The following ZC3HAV1 variants were observed in gnomAD, a reference collection of about 807,000 sequenced individuals.
ZC3HAV1 encodes zinc finger CCCH-type antiviral protein 1.
In ZC3HAV1, 41 loss-of-function variants were observed where a neutral mutation model predicts 86.6. The observed-to-expected ratio is 0.47, with a 90% CI of 0.37 to 0.61. ZC3HAV1 has a LOEUF of 0.61. Among genes scored for constraint, ZC3HAV1 ranks in the 20% least tolerant of loss-of-function variants. ZC3HAV1 has a pLI of 0.00. For missense variants in ZC3HAV1, 964 were observed against 1,141.1 expected (o/e 0.84, Z 2.24); for synonymous variants, 421 against 432.1 (o/e 0.97, Z 0.32).
At chr7:139,065,332 G>A (rs928209219) in intron 7 of ZC3HAV1, among the ~76,000 whole-genome samples, 6 of 152,252 alleles carry the variant, frequency 3.9e-5, no homozygotes, top group Admixed American at 6.5e-5. Context: ...CTGATGCCAC[G>A]CCGGCATCTG....
intron 7 of ZC3HAV1, among the ~76,000 whole-genome samples, chr7:139,066,603 G>A (rs536528359): frequency 2.0e-5 from 3 of 152,230 alleles, no homozygotes; most frequent in African/African-American, 7.2e-5. Flanking sequence ...CAGCTTTGTG[G>A]ATAGTATCTA....
At chr7:139,067,131 ATTTCTTTC>A (rs373193144) in intron 7 of ZC3HAV1, among the ~76,000 whole-genome samples, 3 of 151,306 alleles carry the variant, frequency 2.0e-5, no homozygotes, top group Non-Finnish European at 4.4e-5. Context: ...GGGAGGCAAA[ATTTCTTTC>A]TTTCTTTCTT....
At chr7:139,079,151 A>G in intron 4 of ZC3HAV1, 2 of 1,536,176 alleles carry the variant, frequency 1.3e-6, no homozygotes, top group Non-Finnish European at 1.7e-6. Context: ...GGCAGAGGAA[A>G]CAGGAACCTG....
intron 2 of ZC3HAV1, among the ~76,000 whole-genome samples, chr7:139,084,343 G>A (rs1051014885): frequency 6.6e-6 from 1 of 152,202 alleles, no homozygotes; most frequent in East Asian, 1.9e-4. Flanking sequence ...CCCAGCACAG[G>A]AAGGCTCATC....
chr7:139,095,789 C>A lies in ZC3HAV1; in HGVS notation c.309-6030G>T, dbSNP rs2079099866. On this transcript the variant is annotated intron_variant, in intron 1 of 12. Transcript: ENST00000242351. ...AGTTCATGGTTCACAAGCTTGTTGC[C>A]CATTAAAAACCATCTAGGGACTTAA... Among the ~76,000 whole-genome samples, 6 of 152,086 alleles carry A rather than the reference C, an allele frequency of 3.9e-5. No individual in the cohort carries two copies. The South Asian group carries it at 1.2e-3, about 32-fold the overall frequency.
intron 1 of ZC3HAV1, among the ~76,000 whole-genome samples, chr7:139,094,206 GAATCAGTA>G (rs543018159): frequency 1.1e-3 from 164 of 152,124 alleles, no homozygotes; most frequent in African/African-American, 3.7e-3. Flanking sequence ...TGGAGTGTCT[GAATCAGTA>G]AATCTAGGGT....
Position 139,079,943 on chromosome 7 carries a change from T to C in ZC3HAV1, c.998A>G (p.Asn333Ser), listed in dbSNP as rs746355497. ...ATGCAAGAGGTCCTCTTGACTGCCGTTCTCTAAAAACCTCTGGCTTGTCCC... is the reference window on the plus strand; with the variant it reads ...ATGCAAGAGGTCCTCTTGACTGCCGCTCTCTAAAAACCTCTGGCTTGTCCC... Reference protein sequence around the residue: ...QAGTSQRFLENGSQEDLLHGN... With the variant: ...QAGTSQRFLESGSQEDLLHGN... The change falls in exon 4 of 13, where the codon AAC becomes AGC. Residue 333 changes from asparagine (N) to serine (S), a missense_variant. By Grantham distance (46) the Asn-to-Ser change is conservative. Coordinates refer to ENST00000242351, the MANE Select transcript of ZC3HAV1 (RefSeq NM_020119.4). The C allele has an allele frequency of 6.2e-7, 1 of 1,614,194 alleles. No homozygotes were observed. The highest frequency in any genetic ancestry group is 1.7e-5 in the Admixed American group (1 of 60,026).
chr7:139,069,553 T>C (rs1816708235), intron 7 of ZC3HAV1, among the ~76,000 whole-genome samples: 1 of 152,126 alleles, frequency 6.6e-6, no homozygotes, highest in Non-Finnish European at 1.5e-5. Flanking sequence ...TCCCAGGCTC[T>C]ACCCTCCTGT....
In ZC3HAV1 at chr7:139,046,317, C is replaced by A. The variant is rs1815954285; in HGVS notation, c.*1277G>T. On this transcript the variant is annotated 3_prime_UTR_variant, in exon 13 of 13. Coordinates refer to ENST00000242351, the MANE Select transcript of ZC3HAV1 (RefSeq NM_020119.4). The stretch of plus-strand genomic sequence containing the variant: ...AATTTCATCTCCGTAGGGGGCCCGT[C>A]CTTCAGTAGGAATGGCCCTGCTCCT... The A allele has an allele frequency of 6.6e-6, 1 of 152,172 alleles. No individual in the cohort carries two copies. Among genetic ancestry groups the A allele is most frequent in the Admixed American group, 6.6e-5 (1 of 15,266 alleles). The allele number at this position is 152,172 out of a possible 1,614,324, so 9.4% of individuals were successfully genotyped here.
Position 139,061,948 on chromosome 7 carries a change from A to G in ZC3HAV1, c.1994-810T>C, listed in dbSNP as rs574274285. On this transcript the variant is annotated intron_variant, in intron 8 of 12. Transcript: ENST00000242351. ...GGTTGAGTCTAAAAAACATTATTCC[A>G]GAGTGAAAGAAGTCAGCCACATGCA... 2.1e-4 allele frequency among the ~76,000 whole-genome samples: 32 copies of G among 152,336 alleles called. No individual in the cohort carries two copies. The Middle Eastern group carries it at 0.02, about 97-fold the overall frequency.
intron 7 of ZC3HAV1, among the ~76,000 whole-genome samples, chr7:139,073,018 G>A (rs760066715): frequency 2.6e-5 from 4 of 152,146 alleles, no homozygotes; most frequent in African/African-American, 7.2e-5. Flanking sequence ...ATATATGGCC[G>A]GGCGCAGTGG....
chr7:139,085,806 A>G (rs563376120), intron 2 of ZC3HAV1, among the ~76,000 whole-genome samples: 1 of 152,242 alleles, frequency 6.6e-6, no homozygotes, highest in South Asian at 2.1e-4. Context: ...TGAGGTCAGG[A>G]GTTTGAGACC....
At chr7:139,094,653 C>G (rs559579466) in intron 1 of ZC3HAV1, among the ~76,000 whole-genome samples, 20 of 152,320 alleles carry the variant, frequency 1.3e-4, no homozygotes, top group African/African-American at 4.6e-4. Flanking sequence ...AATAAGCGCT[C>G]TCTCTCACCA....
chr7:139,046,406 A>C lies in ZC3HAV1; in HGVS notation c.*1188T>G, dbSNP rs1172413147. ...GCGTTTATCAGTTATGCTTGTGTGAAGCTGGTTATTGCAATTCATTGTTCT... is the reference window on the plus strand; with the variant it reads ...GCGTTTATCAGTTATGCTTGTGTGACGCTGGTTATTGCAATTCATTGTTCT... On this transcript the variant is annotated 3_prime_UTR_variant, in exon 13 of 13. Transcript: ENST00000242351. The C allele has an allele frequency of 6.6e-6, 1 of 152,212 alleles. No homozygotes were observed. The highest frequency in any genetic ancestry group is 2.4e-5 in the African/African-American group (1 of 41,448). The allele number at this position is 152,212 out of a possible 1,614,324, so 9.4% of individuals were successfully genotyped here. A position where few individuals can be genotyped will look rare whatever the true frequency, so the allele number is the denominator to read the frequency against.
At chr7:139,086,093 A>T (rs1285291256) in intron 2 of ZC3HAV1, among the ~76,000 whole-genome samples, 3 of 152,068 alleles carry the variant, frequency 2.0e-5, no homozygotes, top group Non-Finnish European at 4.4e-5. Context: ...TTAGAGAGCC[A>T]TCCTGGACCA....
At chr7:139,093,912 C>T (rs959139991) in intron 1 of ZC3HAV1, among the ~76,000 whole-genome samples, 4 of 151,780 alleles carry the variant, frequency 2.6e-5, no homozygotes, top group South Asian at 2.1e-4. Flanking sequence ...ACCTTCCTTC[C>T]GACTTTCTTC....
At chr7:139,070,553 A>T (rs887035665) in intron 7 of ZC3HAV1, among the ~76,000 whole-genome samples, 1 of 148,538 alleles carries the variant, frequency 6.7e-6, no homozygotes, top group Non-Finnish European at 1.5e-5. Context: ...AGTCCCAGCT[A>T]TTTGGGAGGC....
Position 139,079,990 on chromosome 7 carries a change from A to T in ZC3HAV1, c.951T>A (p.Asp317Glu). The T allele has an allele frequency of 1.2e-6, 2 of 1,614,118 alleles. No homozygotes were observed. The highest frequency in any genetic ancestry group is 1.7e-6 in the Non-Finnish European group (2 of 1,180,008). ...TCCCGGCCTGACTTGTTCCTCCAAG[A>T]TCAGTAGCCTTGGACGAGCCTGAGG... is the stretch of plus-strand genomic sequence containing the variant. ...RPPSGSSKAT[D>E]LGGTSQAGTS... Residue 317 changes from aspartate to glutamate, a missense_variant, in exon 4 of 13, where the codon GAT (aspartate) becomes GAA (glutamate). Coordinates refer to ENST00000242351, the MANE Select transcript of ZC3HAV1 (RefSeq NM_020119.4).
In ZC3HAV1 at chr7:139,101,981, G is replaced by A. The variant is rs1817787435; in HGVS notation, c.308+7043C>T. Among the ~76,000 whole-genome samples the A allele has an allele frequency of 2.0e-5, 3 of 146,588 alleles. No individual in the cohort carries two copies. In the Admixed American group the frequency reaches 2.1e-4, roughly 10 times the overall value. On this transcript the variant is annotated intron_variant, in intron 1 of 12. Coordinates refer to ENST00000242351, the MANE Select transcript of ZC3HAV1 (RefSeq NM_020119.4). ...ATGACCCTGCTAAATCCCCCTCTGT[G>A]AGAAACACCCAAGAATGATCAATAA...
Sources: allele counts gnomAD v4.1 joint callset (sites outside exome capture counted in the v4.1 genomes callset), GRCh38; gene constraint gnomAD v4.1.1; transcripts MANE v1.5; gene names NCBI Gene and HGNC (gene_info 2026-07-23, HGNC 2026-07-21).